MROH9: variants seen among roughly 807,000 people sequenced by gnomAD.
MROH9 encodes the protein maestro heat like repeat family member 9.
Under a neutral mutation model 98.2 loss-of-function variants are expected in MROH9, and 92 were observed. The ratio of observed to expected loss-of-function variants is 0.94; its 90% confidence interval spans 0.79 to 1.11. The LOEUF is 1.11. Among genes scored for constraint, MROH9 ranks in the 50% most tolerant of loss-of-function variants. MROH9 has a pLI of 0.00. For synonymous variants in MROH9, 397 were observed against 368.9 expected (o/e 1.08, Z -0.87); for missense variants, 1,057 against 1,014.8 (o/e 1.04, Z -0.57).
At chr1:171,039,104 T>C (rs906168752) in intron 20 of MROH9, among the ~76,000 whole-genome samples, 3 of 152,180 alleles carry the variant, frequency 2.0e-5, no homozygotes, top group African/African-American at 7.2e-5. Flanking sequence ...CATGCTTACC[T>C]ACCTAGGCCT....
intron 17 of MROH9, among the ~76,000 whole-genome samples, chr1:171,023,675 A>G (rs1237063431): frequency 2.6e-5 from 4 of 152,220 alleles, no homozygotes; most frequent in Admixed American, 1.3e-4. Context: ...ATACGTTTTG[A>G]TATAGGTATA....
intron 7 of MROH9, among the ~76,000 whole-genome samples, chr1:170,970,646 C>T (rs1650405878): frequency 6.6e-6 from 1 of 151,808 alleles, no homozygotes; most frequent in South Asian, 2.1e-4. Context: ...TCAATTATGG[C>T]CTTCGCCCAT....
chr1:171,047,028 G>A (rs1184033444), intron 20 of MROH9, among the ~76,000 whole-genome samples: 2 of 152,122 alleles, frequency 1.3e-5, no homozygotes, highest in Admixed American at 1.3e-4. Context: ...AAAGTCTGCT[G>A]CCAGATGTAT....
At chr1:170,971,631 A>G in intron 7 of MROH9, 117 bp from the exon 8 acceptor site, 1 of 1,192,512 alleles carries the variant, frequency 8.4e-7, no homozygotes, top group Non-Finnish European at 1.2e-6. Context: ...CAGATATTGT[A>G]AACTCTGAAG....
intron 10 of MROH9, among the ~76,000 whole-genome samples, chr1:170,987,091 A>G (rs181951429): frequency 2.6e-5 from 4 of 152,256 alleles, no homozygotes; most frequent in Admixed American, 2.6e-4. Flanking sequence ...TCCTGGGCTC[A>G]AGCAACCCTC....
Position 171,024,565 on chromosome 1 carries a change from C to A in MROH9, c.2061+18C>A, listed in dbSNP as rs117741788. On this transcript the variant is annotated intron_variant, in intron 18 of 21. Transcript: ENST00000367759. The stretch of plus-strand genomic sequence containing the variant: ...TAGCTGAAGTAAGTCATTTGATCTT[C>A]TTTTTCATAAATTTACCAAGGATTG... 5.2e-5 allele frequency: 79 copies of A among 1,523,530 alleles called. No homozygotes were observed. In the East Asian group the frequency reaches 1.8e-3, roughly 34 times the overall value. 94.4% of individuals were successfully genotyped at this position (1,523,530 alleles called of 1,614,324 possible). A position where few individuals can be genotyped will look rare whatever the true frequency, so the allele number is the denominator to read the frequency against.
chr1:171,062,267 A>C, intron 21 of MROH9, 73 bp downstream of exon 21: 1 of 1,100,528 alleles, frequency 9.1e-7, no homozygotes, highest in Non-Finnish European at 1.3e-6. Context: ...TTCTAGTCAC[A>C]TATGAGTTCT....
intron 19 of MROH9, 113 bp downstream of exon 19, chr1:171,024,878 G>A: frequency 1.5e-6 from 1 of 646,256 alleles, no homozygotes; most frequent in Non-Finnish European, 2.7e-6. Flanking sequence ...GGAAAAAAAT[G>A]GAAGAAAATA....
chr1:170,969,895 T>A (rs1464094778), intron 7 of MROH9, among the ~76,000 whole-genome samples: 1 of 152,190 alleles, frequency 6.6e-6, no homozygotes, highest in Admixed American at 6.5e-5. Context: ...GAGGGGTAAC[T>A]GTGGTTGTCA....
At chr1:171,017,964 C>T (rs1030726915) in intron 17 of MROH9, among the ~76,000 whole-genome samples, 4 of 152,182 alleles carry the variant, frequency 2.6e-5, no homozygotes, top group Non-Finnish European at 5.9e-5. Flanking sequence ...AGTCTTTCCT[C>T]CTACTAGTTT....
At chr1:171,020,136 T>C (rs1652470199) in intron 17 of MROH9, among the ~76,000 whole-genome samples, 1 of 151,682 alleles carries the variant, frequency 6.6e-6, no homozygotes, top group Non-Finnish European at 1.5e-5. Flanking sequence ...AGCCTACTGA[T>C]AAAAAAAAGC....
intron 1 of MROH9, among the ~76,000 whole-genome samples, chr1:170,941,189 A>T (rs1191980850): frequency 6.6e-6 from 1 of 152,084 alleles, no homozygotes; most frequent in Non-Finnish European, 1.5e-5. Context: ...TACTCCCCAG[A>T]AGGTCTGATT....
At chr1:171,032,188 T>C (rs1030314930) in intron 20 of MROH9, among the ~76,000 whole-genome samples, 4 of 152,242 alleles carry the variant, frequency 2.6e-5, no homozygotes, top group African/African-American at 9.6e-5. Flanking sequence ...TAACCTTTTA[T>C]CAAAGTTCTT....
chr1:170,957,966 G>A (rs1264042022), intron 3 of MROH9, among the ~76,000 whole-genome samples: 1 of 152,012 alleles, frequency 6.6e-6, no homozygotes, highest in African/African-American at 2.4e-5. Flanking sequence ...CCGCTACCAC[G>A]CCCGGCTAAT....
intron 16 of MROH9, chr1:171,014,921 C>T (rs1025286880): frequency 2.1e-6 from 1 of 467,620 alleles, no homozygotes; most frequent in African/African-American, 2.0e-5. Context: ...TTTAAAGGTC[C>T]TCCAGGTGAC....
chr1:170,974,350 T>G (rs1309477557), intron 8 of MROH9, among the ~76,000 whole-genome samples: 1 of 151,842 alleles, frequency 6.6e-6, no homozygotes, highest in African/African-American at 2.4e-5. Flanking sequence ...GAAAAGAACA[T>G]CAAGGCACAT....
chr1:170,989,078 C>G lies in MROH9; in HGVS notation c.880-777C>G, dbSNP rs115016053. Reference sequence around the variant, plus strand: ...ATAGAAAGTTGTACAGATAAATGAACTGTATATGATGTAACTGCAGGGTAA... The same window carrying G: ...ATAGAAAGTTGTACAGATAAATGAAGTGTATATGATGTAACTGCAGGGTAA... On this transcript the variant is annotated intron_variant, in intron 10 of 21. Transcript: ENST00000367759. Among the ~76,000 whole-genome samples the G allele has an allele frequency of 4.4e-3, 676 of 152,188 alleles. 2 individuals carry two copies. Among genetic ancestry groups the G allele is most frequent in the African/African-American group, 0.015 (639 of 41,510 alleles).
intron 7 of MROH9, among the ~76,000 whole-genome samples, chr1:170,966,688 G>A (rs1196257437): frequency 6.6e-6 from 1 of 152,066 alleles, no homozygotes; most frequent in Non-Finnish European, 1.5e-5. Flanking sequence ...TTTGTATCAT[G>A]CTAATTCCCT....
chr1:171,034,075 T>C (rs1464193368), intron 20 of MROH9, among the ~76,000 whole-genome samples: 3 of 152,072 alleles, frequency 2.0e-5, no homozygotes, highest in Non-Finnish European at 1.5e-5. Context: ...AGAGAAACTG[T>C]CATTAAACTT....
Sources: allele counts gnomAD v4.1 joint callset (sites outside exome capture counted in the v4.1 genomes callset), GRCh38; gene constraint gnomAD v4.1.1; transcripts MANE v1.5; gene names NCBI Gene and HGNC (gene_info 2026-07-23, HGNC 2026-07-21).